The following AKAP13 variants were observed in gnomAD, a reference collection of about 807,000 sequenced individuals.
The protein encoded by AKAP13 is A-kinase anchoring protein 13.
In AKAP13, 80 loss-of-function variants were observed where a neutral mutation model predicts 264.5. That is an observed-to-expected ratio of 0.30 (90% CI 0.25 to 0.36). The LOEUF is 0.36. AKAP13 is among the 10% of genes least tolerant of loss of function. The pLI is 1.00. For missense variants in AKAP13, 3,712 were observed against 3,435.2 expected, an observed-to-expected ratio of 1.08 and a Z score of -2.01; for synonymous variants, 1,380 against 1,250.2, an observed-to-expected ratio of 1.10 and a Z score of -2.19.
chr15:85,593,510 G>T (rs1156844152), intron 8 of AKAP13, among the ~76,000 whole-genome samples: 2 of 150,910 alleles, frequency 1.3e-5, no homozygotes, highest in Non-Finnish European at 2.9e-5. Flanking sequence ...CAGGATTACA[G>T]GTGTGAGCCA....
Position 85,730,493 on chromosome 15 carries a change from T to G in AKAP13, c.7088-20T>G. The G allele has an allele frequency of 6.2e-7, 1 of 1,610,544 alleles. No individual in the cohort carries two copies. Reference sequence around the variant, plus strand: ...TACTAAACACCAATCAAATCACAGATCATTTTCTCCTTCCTGCAGAACAAC... The same window carrying G: ...TACTAAACACCAATCAAATCACAGAGCATTTTCTCCTTCCTGCAGAACAAC... On this transcript the variant is annotated intron_variant, in intron 29 of 36. Transcript: ENST00000394518.
chr15:85,659,094 T>A (rs2083225326), intron 12 of AKAP13, among the ~76,000 whole-genome samples: 1 of 152,246 alleles, frequency 6.6e-6, no homozygotes, highest in Non-Finnish European at 1.5e-5. Flanking sequence ...GTGGATATAG[T>A]CATTTCTTAA....
At chr15:85,468,617 G>A (rs6416598) in intron 1 of AKAP13, among the ~76,000 whole-genome samples, 82,095 of 151,890 alleles carry the variant, frequency 0.54, 22,878 homozygotes, top group Admixed American at 0.64. Context: ...CTTTATCCAA[G>A]CAAAGCACAA....
At chr15:85,562,574 A>AAATATAT (rs1351834745) in intron 5 of AKAP13, among the ~76,000 whole-genome samples, 2 of 77,686 alleles carry the variant, frequency 2.6e-5, no homozygotes, top group South Asian at 4.9e-4. Context: ...CAAAAAAAAA[A>AAATATAT]ATATATATAT....
chr15:85,744,006 C>T (rs1289204770), intron 36 of AKAP13, 181 bp downstream of exon 36: 1 of 686,362 alleles, frequency 1.5e-6, no homozygotes. Context: ...CATTAAGAAC[C>T]CACTCTGTGT....
At chr15:85,640,101 C>T (rs1567169984) in intron 9 of AKAP13, among the ~76,000 whole-genome samples, 1 of 152,192 alleles carries the variant, frequency 6.6e-6, no homozygotes, top group Admixed American at 6.5e-5. Context: ...AAACCAGGTC[C>T]AGCCTCTAAC....
chr15:85,578,509 A>G (rs11631726), intron 6 of AKAP13, among the ~76,000 whole-genome samples: 92,906 of 151,260 alleles, frequency 0.61, 28,683 homozygotes, highest in Middle Eastern at 0.72. Context: ...CACTACGCCC[A>G]GCTAATTTTG....
At chr15:85,453,800 G>C (rs1261029120) in intron 1 of AKAP13, among the ~76,000 whole-genome samples, 1 of 151,806 alleles carries the variant, frequency 6.6e-6, no homozygotes, top group East Asian at 2.0e-4. Flanking sequence ...ATCTCTGTTG[G>C]CTGGAGAGCT....
intron 1 of AKAP13, among the ~76,000 whole-genome samples, chr15:85,384,040 A>T (rs1022190199): frequency 6.6e-6 from 1 of 152,250 alleles, no homozygotes; most frequent in African/African-American, 2.4e-5. Context: ...TAGATGGAGT[A>T]GATACATTCT....
At chr15:85,710,494 G>C in intron 18 of AKAP13, 85 bp from the exon 19 acceptor site, 1 of 1,341,808 alleles carries the variant, frequency 7.5e-7, no homozygotes, top group Non-Finnish European at 1.0e-6. Context: ...GGGAAAGGAA[G>C]CTGAACTGCT....
chr15:85,697,568 CA>C (rs531507111), intron 17 of AKAP13, among the ~76,000 whole-genome samples: 2 of 151,192 alleles, frequency 1.3e-5, no homozygotes, highest in African/African-American at 4.9e-5. Flanking sequence ...GACTCCATCT[CA>C]AAAAAAGAAA....
At chr15:85,393,495 G>A (rs1283863871) in intron 1 of AKAP13, among the ~76,000 whole-genome samples, 1 of 152,238 alleles carries the variant, frequency 6.6e-6, no homozygotes, top group Non-Finnish European at 1.5e-5. Context: ...TATGTTTAGA[G>A]CATAGAATAG....
At chr15:85,425,497 C>T (rs2072734030) in intron 1 of AKAP13, among the ~76,000 whole-genome samples, 4 of 152,106 alleles carry the variant, frequency 2.6e-5, no homozygotes, top group Admixed American at 2.6e-4. Flanking sequence ...GGGCAGATCA[C>T]TTGAGGTCAG....
intron 2 of AKAP13, among the ~76,000 whole-genome samples, chr15:85,493,258 TTGAG>T (rs1221799267): frequency 6.6e-6 from 1 of 152,240 alleles, no homozygotes; most frequent in Non-Finnish European, 1.5e-5. Context: ...TAAACATTCA[TTGAG>T]TGAGTGAATG....
At chr15:85,544,538 CTGTT>C (rs2077671117) in intron 5 of AKAP13, among the ~76,000 whole-genome samples, 1 of 152,142 alleles carries the variant, frequency 6.6e-6, no homozygotes, top group African/African-American at 2.4e-5. Flanking sequence ...GAAATCCTGT[CTGTT>C]TTTGGGCTCA....
intron 5 of AKAP13, among the ~76,000 whole-genome samples, chr15:85,559,699 C>T (rs1280484477): frequency 7.7e-6 from 1 of 129,264 alleles, no homozygotes; most frequent in African/African-American, 2.9e-5. Flanking sequence ...TCTAGTGCCA[C>T]CGTTGATCCG....
intron 35 of AKAP13, 73 bp downstream of exon 35, chr15:85,741,568 A>G: frequency 1.4e-6 from 2 of 1,481,150 alleles, no homozygotes; most frequent in Non-Finnish European, 1.8e-6. Context: ...AAGCAAGGTA[A>G]GAAAGTGAGC....
intron 8 of AKAP13, 148 bp downstream of exon 8, chr15:85,585,971 T>G (rs916460506): frequency 2.9e-6 from 3 of 1,052,474 alleles, no homozygotes; most frequent in Non-Finnish European, 4.0e-6. Context: ...TAAATGTGTT[T>G]ATGTTGCTGC....
At chr15:85,536,630 A>G (rs1245221261) in intron 4 of AKAP13, 1 of 152,270 alleles carries the variant, frequency 6.6e-6, no homozygotes, top group Non-Finnish European at 1.5e-5. Flanking sequence ...ACAGTGGAAT[A>G]CTACTCAGCA....
Sources: gnomAD v4.1 joint callset for allele counts (sites outside exome capture counted in the v4.1 genomes callset) on GRCh38, gnomAD v4.1.1 for gene constraint, MANE v1.5 for transcripts, NCBI Gene and HGNC (gene_info 2026-07-23, HGNC 2026-07-21) for gene names.